ELOVL6: variants seen among roughly 807,000 people sequenced by gnomAD.
ELOVL6 encodes very long chain fatty acid elongase 6.
A neutral mutation model predicts 31.7 loss-of-function variants in ELOVL6; 8 were observed. The ratio of observed to expected loss-of-function variants is 0.25; its 90% CI spans 0.15 to 0.45. ELOVL6 has a LOEUF of 0.45. Ranked by LOEUF, ELOVL6 falls within the 20% of genes least tolerant of loss-of-function variation. ELOVL6 has a pLI of 1.00. For missense variants in ELOVL6, 126 were observed against 326.4 expected (o/e 0.39, Z 4.73); for synonymous variants, 101 against 117.7 (o/e 0.86, Z 0.92).
At chr4:110,084,425 A>ACATATAT (rs762631003) in intron 2 of ELOVL6, among the ~76,000 whole-genome samples, 8 of 63,640 alleles carry the variant, frequency 1.3e-4, no homozygotes, top group Admixed American at 1.2e-3. Flanking sequence ...ATGATATATC[A>ACATATAT]CATATATCAT....
chr4:110,179,558 A>G (rs1401988914), intron 1 of ELOVL6, among the ~76,000 whole-genome samples: 1 of 146,700 alleles, frequency 6.8e-6, no homozygotes, highest in Non-Finnish European at 1.5e-5. Flanking sequence ...AAATAAAGAG[A>G]AAACAAGAAT....
intron 1 of ELOVL6, among the ~76,000 whole-genome samples, chr4:110,131,403 A>G (rs1028684858): frequency 7.9e-5 from 12 of 152,204 alleles, no homozygotes; most frequent in Non-Finnish European, 1.5e-4. Context: ...CTAGAAAACT[A>G]AACTGCCTCT....
In ELOVL6 at chr4:110,124,699, T is replaced by C. The variant is rs543313567; in HGVS notation, c.90-19071A>G. On this transcript the variant is annotated intron_variant, in intron 1 of 3. Coordinates refer to ENST00000302274, the MANE Select transcript of ELOVL6 (RefSeq NM_024090.3). ...CAAACCTGTACATTCTGCACATGTA[T>C]CCTGGAACTTAAAAAAAAAAAAAAG... 3.3e-5 allele frequency among the ~76,000 whole-genome samples: 5 copies of C among 151,352 alleles called. No individual in the cohort carries two copies. The South Asian group carries it at 8.4e-4, about 25-fold the overall frequency.
intron 1 of ELOVL6, among the ~76,000 whole-genome samples, chr4:110,179,649 A>C (rs1759214520): frequency 6.6e-6 from 1 of 152,344 alleles, no homozygotes; most frequent in Middle Eastern, 3.4e-3. Context: ...GGTCTGGCCT[A>C]AGGTCAATGA....
At chr4:110,053,974 C>CT (rs1219339956) in intron 3 of ELOVL6, among the ~76,000 whole-genome samples, 1 of 151,764 alleles carries the variant, frequency 6.6e-6, no homozygotes, top group African/African-American at 2.4e-5. Context: ...GTGGCAGGCA[C>CT]CTGTAATCCC....
At chr4:110,152,360 A>G (rs908516410) in intron 1 of ELOVL6, among the ~76,000 whole-genome samples, 7 of 152,324 alleles carry the variant, frequency 4.6e-5, no homozygotes, top group Middle Eastern at 6.8e-3. Context: ...GGCATTATAT[A>G]TATAGCTGCT....
At chr4:110,164,738 CAAAAAA>C in intron 1 of ELOVL6, among the ~76,000 whole-genome samples, 1 of 84,382 alleles carries the variant, frequency 1.2e-5, no homozygotes, top group African/African-American at 4.5e-5. Flanking sequence ...GACCCTGTCT[CAAAAAA>C]AAAAAAAAAA....
At chr4:110,107,470 A>G (rs140748842) in intron 1 of ELOVL6, among the ~76,000 whole-genome samples, 1 of 152,230 alleles carries the variant, frequency 6.6e-6, no homozygotes, top group Non-Finnish European at 1.5e-5. Flanking sequence ...ATTAATAACT[A>G]AAGAGTCAAA....
chr4:110,056,636 T>C (rs1211306735), intron 3 of ELOVL6, among the ~76,000 whole-genome samples: 4 of 152,168 alleles, frequency 2.6e-5, no homozygotes, highest in African/African-American at 7.2e-5. Flanking sequence ...TAAAGAACTA[T>C]GTCAAGATTA....
At chr4:110,137,931 T>C (rs116106295) in intron 1 of ELOVL6, among the ~76,000 whole-genome samples, 135 of 152,306 alleles carry the variant, frequency 8.9e-4, no homozygotes, top group African/African-American at 3.1e-3. Flanking sequence ...ACTTATTGCC[T>C]TTTACAGACA....
At chr4:110,086,506 G>C (rs1345528481) in intron 2 of ELOVL6, among the ~76,000 whole-genome samples, 1 of 152,166 alleles carries the variant, frequency 6.6e-6, no homozygotes, top group Non-Finnish European at 1.5e-5. Flanking sequence ...ATTGCCACAT[G>C]AGAGTAGTGT....
Position 110,095,253 on chromosome 4 carries a change from G to A in ELOVL6, c.221+10244C>T, listed in dbSNP as rs559270433. ...TCCCAGCACTTTGGGAGATTGAGGT[G>A]GGCAGATCACCTGAGGTCAGCAGTT... On this transcript the variant is annotated intron_variant, in intron 2 of 3. Coordinates refer to ENST00000302274, the MANE Select transcript of ELOVL6 (RefSeq NM_024090.3). 3.9e-5 allele frequency among the ~76,000 whole-genome samples: 6 copies of A among 152,246 alleles called. No homozygotes were observed. The South Asian group carries it at 1.2e-3, about 32-fold the overall frequency.
chr4:110,073,009 G>GAA (rs1431301669), intron 2 of ELOVL6, among the ~76,000 whole-genome samples: 1 of 152,132 alleles, frequency 6.6e-6, no homozygotes, highest in Admixed American at 6.5e-5. Flanking sequence ...GATTTAAGAA[G>GAA]AAAAATTAAC....
chr4:110,197,826 T>C (rs886849857), intron 1 of ELOVL6: 10 of 205,448 alleles, frequency 4.9e-5, no homozygotes, highest in Non-Finnish European at 1.0e-4. Context: ...GACAAGGTCC[T>C]CCCTCCACTG....
chr4:110,091,999 A>T (rs568147383), intron 2 of ELOVL6, among the ~76,000 whole-genome samples: 2 of 152,328 alleles, frequency 1.3e-5, no homozygotes, highest in Admixed American at 1.3e-4. Flanking sequence ...TCCAGCCAGC[A>T]TAACAATTTA....
At chr4:110,057,853 G>GAAAAAAA (rs755067574) in intron 3 of ELOVL6, among the ~76,000 whole-genome samples, 2 of 90,924 alleles carry the variant, frequency 2.2e-5, no homozygotes, top group African/African-American at 6.1e-5. Flanking sequence ...TCTGTCTCAG[G>GAAAAAAA]GAAAAAAAAA....
chr4:110,046,907 T>C lies in ELOVL6; in HGVS notation c.*4431A>G, dbSNP rs1754709654. The C allele has an allele frequency of 6.6e-6, 1 of 152,234 alleles. No homozygotes were observed. The highest frequency in any genetic ancestry group is 1.5e-5 in the Non-Finnish European group (1 of 68,056). 9.4% of individuals were successfully genotyped at this position (152,234 alleles called of 1,614,324 possible). ...ATACACTACTGGCCAAATGTGGTGGTGGATCTTGGCAAAGTCTCTTCCTGA... is the reference window on the plus strand; with the variant it reads ...ATACACTACTGGCCAAATGTGGTGGCGGATCTTGGCAAAGTCTCTTCCTGA... On this transcript the variant is annotated 3_prime_UTR_variant, in exon 4 of 4. Coordinates refer to ENST00000302274, the MANE Select transcript of ELOVL6 (RefSeq NM_024090.3).
chr4:110,158,903 C>T (rs994687576), intron 1 of ELOVL6, among the ~76,000 whole-genome samples: 4 of 151,848 alleles, frequency 2.6e-5, no homozygotes, highest in Non-Finnish European at 4.4e-5. Flanking sequence ...TCAGGTGATC[C>T]GCCTGCCTTG....
intron 1 of ELOVL6, among the ~76,000 whole-genome samples, chr4:110,145,257 C>T (rs1758074351): frequency 6.6e-6 from 1 of 152,078 alleles, no homozygotes; most frequent in African/African-American, 2.4e-5. Flanking sequence ...GGAAAACAAA[C>T]CCTAGCCAGC....
Sources: gnomAD v4.1 joint callset for allele counts (sites outside exome capture counted in the v4.1 genomes callset) on GRCh38, gnomAD v4.1.1 for gene constraint, MANE v1.5 for transcripts, NCBI Gene and HGNC (gene_info 2026-07-23, HGNC 2026-07-21) for gene names.